The following BCAS3 variants were observed in gnomAD, a reference collection of about 807,000 sequenced individuals.
BCAS3 encodes BCAS3 microtubule associated cell migration factor.
Under a neutral mutation model 116.1 loss-of-function variants are expected in BCAS3, and 53 were observed. The observed-to-expected ratio is 0.46, with a 90% CI of 0.37 to 0.57. The LOEUF (loss-of-function observed/expected upper bound fraction) is 0.57, where lower values mean the gene tolerates loss of function less well. Among genes scored for constraint, BCAS3 ranks in the 20% least tolerant of loss-of-function variants. The pLI is 0.00. For missense variants in BCAS3, 917 were observed against 1,165.4 expected, an observed-to-expected ratio of 0.79 and a Z score of 3.10; for synonymous variants, 391 against 408.2, an observed-to-expected ratio of 0.96 and a Z score of 0.51.
At position 60,923,975 on chromosome 17, in the gene BCAS3, T is replaced by TC. The variant is rs368789921; in HGVS notation, c.994-425dup. 1.3e-4 allele frequency among the ~76,000 whole-genome samples: 20 copies of TC among 152,170 alleles called. 1 individual carries two copies. The highest frequency in any genetic ancestry group is 3.4e-3 in the Middle Eastern group (1 of 294). ...TTTATGTTTAACAAATTATGTTGTT[T>TC]CCCCCCCATTCTTATATTTCAATAA... On this transcript the variant is annotated intron_variant, in intron 12 of 23. Coordinates refer to ENST00000407086, the MANE Select transcript of BCAS3 (RefSeq NM_017679.5).
chr17:61,137,422 A>C (rs551470121), intron 22 of BCAS3, among the ~76,000 whole-genome samples: 2 of 152,368 alleles, frequency 1.3e-5, no homozygotes, highest in East Asian at 3.9e-4. Flanking sequence ...GTATGTGCAT[A>C]TAGCAAATAT....
At chr17:60,865,427 T>A (rs2054508992) in intron 7 of BCAS3, among the ~76,000 whole-genome samples, 1 of 152,208 alleles carries the variant, frequency 6.6e-6, no homozygotes, top group Non-Finnish European at 1.5e-5. Flanking sequence ...AACATGGTAT[T>A]TACTATTATT....
In BCAS3 at chr17:61,265,177, C is replaced by G. The variant is rs2144602045; in HGVS notation, c.2426-103150C>G. 6.6e-6 allele frequency among the ~76,000 whole-genome samples: 1 copy of G among 152,208 alleles called. No individual in the cohort carries two copies. The highest frequency in any genetic ancestry group is 1.5e-5 in the Non-Finnish European group (1 of 68,008). On this transcript the variant is annotated intron_variant, in intron 22 of 23. Transcript: ENST00000407086. This position sits in a 1 kb window ranked among gnomAD's most constrained non-coding sequence, Gnocchi z 4.3. Reference sequence around the variant, plus strand: ...GTCTGTAATCCCAGCACTTTGGGAGCCTGAGGCAGGCAGATCACCTGAGGT... The same window carrying G: ...GTCTGTAATCCCAGCACTTTGGGAGGCTGAGGCAGGCAGATCACCTGAGGT...
intron 22 of BCAS3, among the ~76,000 whole-genome samples, chr17:61,275,827 T>C (rs1165083948): frequency 6.6e-6 from 1 of 152,170 alleles, no homozygotes. Context: ...AGCGTAATGA[T>C]TGCTGCCATC....
chr17:60,864,730 A>G (rs945962136), intron 7 of BCAS3, among the ~76,000 whole-genome samples: 2 of 152,192 alleles, frequency 1.3e-5, no homozygotes, highest in Non-Finnish European at 2.9e-5. Flanking sequence ...TTCTGCCTGT[A>G]TCAGCTTTCA....
intron 14 of BCAS3, among the ~76,000 whole-genome samples, chr17:60,976,241 G>T (rs1414405946): frequency 3.3e-5 from 5 of 150,864 alleles, no homozygotes; most frequent in Non-Finnish European, 7.4e-5. Context: ...AGCCAGGATG[G>T]TCTCAATCTC....
intron 22 of BCAS3, among the ~76,000 whole-genome samples, chr17:61,312,557 G>T (rs940381754): frequency 1.3e-5 from 2 of 151,858 alleles, no homozygotes; most frequent in African/African-American, 4.8e-5. Flanking sequence ...TTTTTTTCTT[G>T]AACAAACATA....
chr17:60,770,453 C>T (rs8065538), intron 6 of BCAS3, among the ~76,000 whole-genome samples: 34,135 of 112,960 alleles, frequency 0.3, 9,500 homozygotes, highest in African/African-American at 0.74. Flanking sequence ...AGAGTCTTGC[C>T]TTGTCACCAG....
intron 13 of BCAS3, among the ~76,000 whole-genome samples, chr17:60,942,108 A>G (rs979672174): frequency 1.3e-4 from 20 of 152,126 alleles, no homozygotes; most frequent in Non-Finnish European, 2.6e-4. Flanking sequence ...TGGACAACAA[A>G]GCATTCATGC....
chr17:60,703,253 C>T (rs1035438076), intron 4 of BCAS3, among the ~76,000 whole-genome samples: 37 of 148,218 alleles, frequency 2.5e-4, no homozygotes, highest in African/African-American at 6.5e-4. Context: ...CCAGCCTGAG[C>T]GACAGAGTGA....
intron 22 of BCAS3, among the ~76,000 whole-genome samples, chr17:61,254,860 C>G (rs2048667161): frequency 6.6e-6 from 1 of 150,814 alleles, no homozygotes; most frequent in Admixed American, 6.6e-5. Context: ...AGTCGTTCAT[C>G]CTGACCAAGA....
intron 11 of BCAS3, among the ~76,000 whole-genome samples, chr17:60,905,388 T>C (rs1436056443): frequency 6.6e-6 from 1 of 152,226 alleles, no homozygotes; most frequent in East Asian, 1.9e-4. Flanking sequence ...GAACAAAAAG[T>C]ATTTGATAAA....
rs1165459427 is a variant in BCAS3, at chr17:61,282,529, G to A, written c.2426-85798G>A. On this transcript the variant is annotated intron_variant, in intron 22 of 23. Coordinates refer to ENST00000407086, the MANE Select transcript of BCAS3 (RefSeq NM_017679.5). The surrounding 1 kb of genome is among the most constrained non-coding windows in gnomAD (Gnocchi z 5.9). The stretch of plus-strand genomic sequence containing the variant: ...TCTTCTGGGAACTAAAGTTGGTTTC[G>A]TTGGCTTACTCTTAGACAGATGTGA... Among the ~76,000 whole-genome samples the A allele has an allele frequency of 1.3e-5, 2 of 152,190 alleles. No homozygotes were observed. The highest frequency in any genetic ancestry group is 6.5e-5 in the Admixed American group (1 of 15,282).
intron 19 of BCAS3, among the ~76,000 whole-genome samples, chr17:61,061,669 G>C (rs1271254581): frequency 6.6e-6 from 1 of 152,164 alleles, no homozygotes; most frequent in Non-Finnish European, 1.5e-5. Flanking sequence ...GTATATTTTA[G>C]AGTGTTCCTT....
At chr17:60,828,740 T>C (rs1020431524) in intron 7 of BCAS3, among the ~76,000 whole-genome samples, 1 of 152,228 alleles carries the variant, frequency 6.6e-6, no homozygotes, top group Non-Finnish European at 1.5e-5. Context: ...TTTTTTTCTC[T>C]TTTATTCTGA....
At position 61,209,439 on chromosome 17, in the gene BCAS3, A is replaced by C. The variant is rs551871706; in HGVS notation, c.2425+124875A>C. Among the ~76,000 whole-genome samples, 101 of 152,332 alleles carry C rather than the reference A, an allele frequency of 6.6e-4. 2 individuals are homozygous for C. The South Asian group carries it at 0.021, about 31-fold the overall frequency. On this transcript the variant is annotated intron_variant, in intron 22 of 23. Coordinates refer to ENST00000407086, the MANE Select transcript of BCAS3 (RefSeq NM_017679.5). ...CACAGAGGCCAAAATGTCAAAGATC[A>C]AGTAGATTGGGAGAATAGGAAAATT... is the stretch of plus-strand genomic sequence containing the variant.
chr17:60,870,212 A>G (rs2054983192), intron 8 of BCAS3, among the ~76,000 whole-genome samples: 1 of 152,246 alleles, frequency 6.6e-6, no homozygotes. Flanking sequence ...ATAACTGCAC[A>G]AGAGTGAATA....
At chr17:60,930,650 G>A (rs9901264) in intron 13 of BCAS3, among the ~76,000 whole-genome samples, 27,743 of 152,016 alleles carry the variant, frequency 0.18, 2,814 homozygotes, top group African/African-American at 0.28. Context: ...TAGAGACGGG[G>A]TTTTGCCATG....
chr17:60,722,498 C>T (rs996388498), intron 5 of BCAS3, among the ~76,000 whole-genome samples: 1 of 152,062 alleles, frequency 6.6e-6, no homozygotes, highest in African/African-American at 2.4e-5. Context: ...TGCGGTGGCT[C>T]ATGCCTGTAA....
Sources: gnomAD v4.1 joint callset for allele counts (sites outside exome capture counted in the v4.1 genomes callset) on GRCh38, gnomAD v4.1.1 for gene constraint, Gnocchi (gnomAD v3.1) non-coding constraint, MANE v1.5 for transcripts, NCBI Gene and HGNC (gene_info 2026-07-23, HGNC 2026-07-21) for gene names.